The following ZNF77 variants were observed in gnomAD, a reference collection of about 807,000 sequenced individuals.
ZNF77 encodes ZNFpT1.
ZNF77 carries 15 observed loss-of-function variants against 13.5 expected under a neutral mutation model. The ratio of observed to expected loss-of-function variants is 1.11; its 90% CI spans 0.74 to 1.71. The LOEUF (loss-of-function observed/expected upper bound fraction) is 1.71. Among genes scored for constraint, ZNF77 ranks in the 40% most tolerant of loss-of-function variants. The pLI, the probability that ZNF77 is intolerant of heterozygous loss-of-function variation, is 0.00. For missense variants in ZNF77, 717 were observed against 676.4 expected, an observed-to-expected ratio of 1.06 and a Z score of -0.67; for synonymous variants, 282 against 250.0, an observed-to-expected ratio of 1.13 and a Z score of -1.21.
Position 2,933,319 on chromosome 19 carries a change from G to C in ZNF77, c.*170C>G, listed in dbSNP as rs1248683070. On this transcript the variant is annotated 3_prime_UTR_variant, in exon 4 of 4. Transcript: ENST00000314531. ...ACTATTAAGGCTGAGGCATGTAAAG[G>C]CAATACCATATTAATCATAATTAAG... The C allele has an allele frequency of 1.5e-6, 1 of 682,402 alleles. No homozygotes were observed. The highest frequency in any genetic ancestry group is 2.3e-6 in the Non-Finnish European group (1 of 435,700). 42.3% of individuals were successfully genotyped at this position (682,402 alleles called of 1,614,324 possible). A position where few individuals can be genotyped will look rare whatever the true frequency, so the allele number is the denominator to read the frequency against.
At chr19:2,943,800 C>T (rs556606348) in intron 1 of ZNF77, among the ~76,000 whole-genome samples, 3 of 150,306 alleles carry the variant, frequency 2.0e-5, no homozygotes, top group Admixed American at 6.7e-5. Flanking sequence ...AGCTCCACCT[C>T]CCAGGTTCAC....
chr19:2,942,454 G>A (rs1173360394), intron 1 of ZNF77, among the ~76,000 whole-genome samples: 1 of 150,028 alleles, frequency 6.7e-6, no homozygotes, highest in Non-Finnish European at 1.5e-5. Flanking sequence ...AAACTCGTGG[G>A]CTCAAGCGAT....
At chr19:2,937,091 A>G (rs1393577623) in intron 2 of ZNF77, among the ~76,000 whole-genome samples, 3 of 152,142 alleles carry the variant, frequency 2.0e-5, no homozygotes, top group Admixed American at 6.6e-5. Flanking sequence ...TGGGAGGCCA[A>G]GGAGGGAGGA....
intron 2 of ZNF77, among the ~76,000 whole-genome samples, chr19:2,938,346 C>T (rs1403741526): frequency 6.6e-6 from 1 of 152,194 alleles, no homozygotes; most frequent in Admixed American, 6.5e-5. Context: ...GCAAAATTAC[C>T]ATGTCAAACG....
Position 2,933,975 on chromosome 19 carries a change from C to G in ZNF77, c.1152G>C (p.Gln384His), listed in dbSNP as rs757235143. 1.9e-6 allele frequency: 3 copies of G among 1,614,166 alleles called. No homozygotes were observed. The South Asian group carries it at 3.3e-5, about 18-fold the overall frequency. The change falls in exon 4 of 4, where the codon CAG becomes CAC. Residue 384 changes from glutamine to histidine, a missense_variant. Gln to His is a conservative substitution (Grantham distance 24). Transcript: ENST00000314531. ...HTGEKPYVCKQCGKAFGCPTY... is the reference protein window; with the variant it reads ...HTGEKPYVCKHCGKAFGCPTY... The stretch of plus-strand genomic sequence containing the variant: ...TGGGACATCCGAAGGCCTTCCCACA[C>G]TGCTTGCACACATAGGGCTTCTCTC...
chr19:2,944,841 G>C lies in ZNF77; in HGVS notation c.-1C>G. On this transcript the variant is annotated 5_prime_UTR_variant, in exon 1 of 4. Transcript: ENST00000314531. ...TCGGCTCCCGCCCGGCACTCACCAT[G>C]TCCCGCCCGCTCCTGGGCTCTCCAG... The C allele has an allele frequency of 6.6e-7, 1 of 1,526,278 alleles. No homozygotes were observed. The highest frequency in any genetic ancestry group is 8.7e-7 in the Non-Finnish European group (1 of 1,143,114). The allele number at this position is 1,526,278 out of a possible 1,614,324, so 94.5% of individuals were successfully genotyped here.
At chr19:2,943,282 C>G (rs1200322065) in intron 1 of ZNF77, among the ~76,000 whole-genome samples, 1 of 151,852 alleles carries the variant, frequency 6.6e-6, no homozygotes, top group East Asian at 1.9e-4. Flanking sequence ...TAACCCTTCT[C>G]CCTATTGCAA....
At position 2,944,859 on chromosome 19, in the gene ZNF77, C is replaced by A; in HGVS notation, c.-19G>T. On this transcript the variant is annotated 5_prime_UTR_variant, in exon 1 of 4. Coordinates refer to ENST00000314531, the MANE Select transcript of ZNF77 (RefSeq NM_021217.3). ...TCACCATGTCCCGCCCGCTCCTGGG[C>A]TCTCCAGGGTTAGCGCCCCGCGGTC... is the stretch of plus-strand genomic sequence containing the variant. 6.6e-7 allele frequency: 1 copy of A among 1,526,382 alleles called. No homozygotes were observed. Among genetic ancestry groups the A allele is most frequent in the Non-Finnish European group, 8.7e-7 (1 of 1,143,096 alleles). The allele number at this position is 1,526,382 out of a possible 1,614,324, so 94.6% of individuals were successfully genotyped here.
chr19:2,936,483 C>G (rs767252076), intron 3 of ZNF77, 41 bp downstream of exon 3: 3 of 1,531,886 alleles, frequency 2.0e-6, no homozygotes, highest in Non-Finnish European at 1.7e-6. Flanking sequence ...TAGTTTGATG[C>G]TCTGCGGAGA....
chr19:2,942,510 C>T (rs2088459127), intron 1 of ZNF77, among the ~76,000 whole-genome samples: 1 of 151,414 alleles, frequency 6.6e-6, no homozygotes, highest in Non-Finnish European at 1.5e-5. Flanking sequence ...AGGTGCGCAT[C>T]CCCATGCCCG....
At chr19:2,938,145 C>T (rs1398447520) in intron 2 of ZNF77, among the ~76,000 whole-genome samples, 1 of 152,170 alleles carries the variant, frequency 6.6e-6, no homozygotes, top group Non-Finnish European at 1.5e-5. Flanking sequence ...TCCTGGTGCT[C>T]ACAGGCACAG....
intron 1 of ZNF77, among the ~76,000 whole-genome samples, chr19:2,941,895 G>A (rs2088451963): frequency 1.3e-5 from 2 of 151,936 alleles, no homozygotes; most frequent in African/African-American, 4.8e-5. Flanking sequence ...GGCTGTGTGT[G>A]CGCCTTTCCC....
intron 1 of ZNF77, 44 bp downstream of exon 1, chr19:2,944,794 C>T (rs902453061): frequency 6.7e-7 from 1 of 1,499,058 alleles, no homozygotes; most frequent in Non-Finnish European, 8.9e-7. Context: ...TCCTGCCGCC[C>T]CACCTCGCCC....
chr19:2,943,337 T>G (rs1370301900), intron 1 of ZNF77, among the ~76,000 whole-genome samples: 1 of 152,034 alleles, frequency 6.6e-6, no homozygotes, highest in Non-Finnish European at 1.5e-5. Context: ...TAATCCTTTT[T>G]CATAAAAGTT....
intron 1 of ZNF77, among the ~76,000 whole-genome samples, chr19:2,943,026 C>T (rs1204375286): frequency 6.6e-6 from 1 of 152,178 alleles, no homozygotes; most frequent in Non-Finnish European, 1.5e-5. Context: ...AGGTGATCCA[C>T]CTGCCTCAGC....
Position 2,936,547 on chromosome 19 carries a change from G to A in ZNF77, c.288C>T (p.His96=), listed in dbSNP as rs1394455539. 2.5e-6 allele frequency: 4 copies of A among 1,607,416 alleles called. No homozygotes were observed. The highest frequency in any genetic ancestry group is 1.6e-4 in the Middle Eastern group (1 of 6,064). The change falls in exon 3 of 4, where the codon CAC becomes CAT. Residue 96 remains histidine, a synonymous_variant. Transcript: ENST00000314531. ...ACCTCAGATGCCTCTGTGGGATTTG[G>A]TGCTGATCTCCAGTGTTATCAAATC... ...NWRFDNTGDQ[H]QIPQRHLRSQ...
At chr19:2,939,516 T>G (rs1037925299) in intron 1 of ZNF77, 109 bp from the exon 2 acceptor site, 6 of 1,510,384 alleles carry the variant, frequency 4.0e-6, no homozygotes, top group Non-Finnish European at 5.4e-6. Flanking sequence ...AGAGCTTATG[T>G]CCTTGTGAGA....
In ZNF77 at chr19:2,944,916, A is replaced by G. The variant is rs987523928; in HGVS notation, c.-76T>C. The G allele has an allele frequency of 2.0e-6, 3 of 1,476,894 alleles. No homozygotes were observed. Among genetic ancestry groups the G allele is most frequent in the South Asian group, 2.6e-5 (2 of 77,396 alleles). 91.5% of individuals were successfully genotyped at this position (1,476,894 alleles called of 1,614,324 possible). A position where few individuals can be genotyped will look rare whatever the true frequency, so the allele number is the denominator to read the frequency against. ...CCGGCGCAGGTGAGCACGACAGGAC[A>G]CCTGAGCCGCTCGGGGTAGGCGGGG... On this transcript the variant is annotated 5_prime_UTR_variant, in exon 1 of 4. Transcript: ENST00000314531.
chr19:2,942,713 C>T (rs929624027), intron 1 of ZNF77, among the ~76,000 whole-genome samples: 2 of 152,006 alleles, frequency 1.3e-5, no homozygotes, highest in African/African-American at 4.8e-5. Flanking sequence ...CCAGGACCCT[C>T]CCTTCCCATA....
Sources: gnomAD v4.1 joint callset for allele counts (sites outside exome capture counted in the v4.1 genomes callset) on GRCh38, gnomAD v4.1.1 for gene constraint, MANE v1.5 for transcripts, NCBI Gene and HGNC (gene_info 2026-07-23, HGNC 2026-07-21) for gene names.